Variants in KCNIP4 observed in about 807,000 individuals in gnomAD.
The protein encoded by KCNIP4 is potassium voltage-gated channel interacting protein 4, also known as Kv channel-interacting protein 4.
KCNIP4 carries 12 observed loss-of-function variants against 34.0 expected under a neutral mutation model. The observed-to-expected ratio is 0.35, with a 90% CI of 0.23 to 0.57. The LOEUF (loss-of-function observed/expected upper bound fraction) is 0.57. Among genes scored for constraint, KCNIP4 ranks in the 20% least tolerant of loss-of-function variants. KCNIP4 has a pLI of 0.83. For synonymous variants in KCNIP4, 124 were observed against 102.2 expected, an observed-to-expected ratio of 1.21 and a Z score of -1.29; for missense variants, 238 against 311.7, an observed-to-expected ratio of 0.76 and a Z score of 1.78.
chr4:20,966,859 T>C (rs927217527), intron 1 of KCNIP4, among the ~76,000 whole-genome samples: 1 of 152,156 alleles, frequency 6.6e-6, no homozygotes, highest in African/African-American at 2.4e-5. Flanking sequence ...GAGTACTAGG[T>C]ATGTGGCTTG....
At chr4:21,088,896 C>A (rs1226068006) in intron 1 of KCNIP4, among the ~76,000 whole-genome samples, 1 of 152,056 alleles carries the variant, frequency 6.6e-6, no homozygotes, top group African/African-American at 2.4e-5. Context: ...ACTATTATTG[C>A]TTTATTCTCT....
chr4:21,741,974 T>C (rs1482283750), intron 1 of KCNIP4, among the ~76,000 whole-genome samples: 2 of 152,050 alleles, frequency 1.3e-5, no homozygotes, highest in Non-Finnish European at 2.9e-5. Flanking sequence ...GAGTCAGAGG[T>C]TGTGGTGAGC....
At chr4:21,715,535 CA>C (rs570895761) in intron 1 of KCNIP4, among the ~76,000 whole-genome samples, 4 of 151,956 alleles carry the variant, frequency 2.6e-5, no homozygotes, top group African/African-American at 9.7e-5. Flanking sequence ...GTGAACTGAA[CA>C]AAAAAATCCC....
rs112732007 is a variant in KCNIP4 at position 21,268,682 on chromosome 4, G to T, written c.62-385973C>A. On this transcript the variant is annotated intron_variant, in intron 1 of 8. Coordinates refer to ENST00000382152, the MANE Select transcript of KCNIP4 (RefSeq NM_025221.6). ...TACATGTGGCCTTTGAGCCTGTGAG[G>T]CATTTGAGCAAGGAACACCTCATTC... Among the ~76,000 whole-genome samples the T allele has an allele frequency of 1.3e-5, 2 of 152,286 alleles. 1 individual carries two copies. Among genetic ancestry groups the T allele is most frequent in the African/African-American group, 4.8e-5 (2 of 41,568 alleles).
At chr4:21,447,041 G>T (rs1728081439) in intron 1 of KCNIP4, among the ~76,000 whole-genome samples, 1 of 151,820 alleles carries the variant, frequency 6.6e-6, no homozygotes, top group African/African-American at 2.4e-5. Context: ...ACTGTTATCT[G>T]AATTTCTAGC....
At chr4:20,882,760 G>C (rs777436439) in intron 1 of KCNIP4, 51 bp from the exon 2 acceptor site, 1 of 1,428,228 alleles carries the variant, frequency 7.0e-7, no homozygotes, top group Non-Finnish European at 9.8e-7. Flanking sequence ...AGAGAAAAGG[G>C]ACGTGCTGCA....
intron 1 of KCNIP4, among the ~76,000 whole-genome samples, chr4:21,814,814 T>C (rs933989035): frequency 1.3e-5 from 2 of 152,164 alleles, no homozygotes; most frequent in African/African-American, 4.8e-5. Context: ...TGTGATGTGC[T>C]CCGTGGCTGT....
At chr4:21,447,455 G>A (rs940591854) in intron 1 of KCNIP4, among the ~76,000 whole-genome samples, 18 of 152,136 alleles carry the variant, frequency 1.2e-4, no homozygotes, top group Admixed American at 6.6e-5. Context: ...AAGTCACCAA[G>A]TATATGCTAA....
chr4:21,362,551 T>C (rs79968684), intron 1 of KCNIP4, among the ~76,000 whole-genome samples: 2,233 of 152,236 alleles, frequency 0.015, 29 homozygotes, highest in South Asian at 0.048. Flanking sequence ...ACCTCAGTTA[T>C]AGCTGGAAAA....
At chr4:21,200,510 CT>C (rs1466350353) in intron 1 of KCNIP4, among the ~76,000 whole-genome samples, 9 of 151,620 alleles carry the variant, frequency 5.9e-5, no homozygotes, top group African/African-American at 2.2e-4. Context: ...GAACTGGAGT[CT>C]ATAATCCTAA....
At chr4:21,001,153 G>A (rs1013870290) in intron 1 of KCNIP4, among the ~76,000 whole-genome samples, 1 of 152,078 alleles carries the variant, frequency 6.6e-6, no homozygotes, top group Admixed American at 6.5e-5. Context: ...TCTACCGAAA[G>A]CAACAAACAT....
chr4:21,212,363 T>A (rs1296933791), intron 1 of KCNIP4, among the ~76,000 whole-genome samples: 1 of 152,190 alleles, frequency 6.6e-6, no homozygotes, highest in East Asian at 1.9e-4. Flanking sequence ...GATTAGGTAA[T>A]TTCTCTTGGA....
At chr4:21,177,858 TTA>T (rs3080785) in intron 1 of KCNIP4, among the ~76,000 whole-genome samples, 17 of 139,286 alleles carry the variant, frequency 1.2e-4, no homozygotes, top group East Asian at 4.1e-4. Context: ...AAAAAAAAAA[TTA>T]TATATATATA....
At chr4:21,097,462 G>A (rs1747566234) in intron 1 of KCNIP4, among the ~76,000 whole-genome samples, 1 of 152,062 alleles carries the variant, frequency 6.6e-6, no homozygotes, top group Non-Finnish European at 1.5e-5. Context: ...CAAGTCTATA[G>A]GAGTCAATGG....
intron 1 of KCNIP4, among the ~76,000 whole-genome samples, chr4:21,895,132 G>C (rs1483144889): frequency 6.6e-6 from 1 of 152,154 alleles, no homozygotes; most frequent in East Asian, 1.9e-4. Context: ...CTTTGATATA[G>C]ATGTCTTGCT....
At chr4:21,107,250 A>T (rs1463415595) in intron 1 of KCNIP4, among the ~76,000 whole-genome samples, 2 of 144,400 alleles carry the variant, frequency 1.4e-5, no homozygotes, top group African/African-American at 5.5e-5. Context: ...TTTGTAGGTC[A>T]CTCAGGACTT....
intron 1 of KCNIP4, among the ~76,000 whole-genome samples, chr4:21,360,439 G>C (rs1181804395): frequency 6.6e-6 from 1 of 152,014 alleles, no homozygotes; most frequent in African/African-American, 2.4e-5. Flanking sequence ...AAAGAATGTT[G>C]ATTTTGGTCT....
In KCNIP4 at chr4:21,199,376, C is replaced by G. The variant is rs28573736; in HGVS notation, c.62-316667G>C. Among the ~76,000 whole-genome samples, 561 of 152,160 alleles carry G rather than the reference C, an allele frequency of 3.7e-3. 3 individuals are homozygous for G. Among genetic ancestry groups the G allele is most frequent in the African/African-American group, 0.013 (527 of 41,520 alleles). ...GTTGGCTGCATAAATGTCTTGAGAA[C>G]TATCTGTTCATATCCTTCCCCCACT... On this transcript the variant is annotated intron_variant, in intron 1 of 8. Transcript: ENST00000382152.
chr4:21,545,667 G>C (rs536267952), intron 1 of KCNIP4, among the ~76,000 whole-genome samples: 1 of 152,270 alleles, frequency 6.6e-6, no homozygotes, highest in South Asian at 2.1e-4. Context: ...AGTTTGCTGA[G>C]AATGATGGTT....
Sources: allele counts gnomAD v4.1 joint callset (sites outside exome capture counted in the v4.1 genomes callset), GRCh38; gene constraint gnomAD v4.1.1; transcripts MANE v1.5; gene names NCBI Gene and HGNC (gene_info 2026-07-23, HGNC 2026-07-21).